The following CDK17 variants were observed in gnomAD, a reference collection of about 807,000 sequenced individuals.
CDK17 encodes the protein cyclin-dependent kinase 17.
CDK17 carries 24 observed loss-of-function variants against 77.6 expected under a neutral mutation model. That is an observed-to-expected ratio of 0.31 (90% CI 0.22 to 0.44). CDK17 has a LOEUF of 0.44. Among genes scored for constraint, CDK17 ranks in the 20% least tolerant of loss-of-function variants. The pLI is 1.00. For synonymous variants in CDK17, 203 were observed against 210.4 expected (o/e 0.96, Z 0.30); for missense variants, 429 against 622.5 (o/e 0.69, Z 3.31).
chr12:96,323,822 C>G, intron 3 of CDK17, 126 bp downstream of exon 3: 2 of 619,018 alleles, frequency 3.2e-6, no homozygotes, highest in Non-Finnish European at 5.2e-6. Flanking sequence ...TGCTATTCCT[C>G]TTGATCTCAA....
At chr12:96,329,002 G>A (rs1261670605) in intron 2 of CDK17, among the ~76,000 whole-genome samples, 1 of 152,120 alleles carries the variant, frequency 6.6e-6, no homozygotes, top group African/African-American at 2.4e-5. Flanking sequence ...AAAAAGTAAT[G>A]GAAACCTTGG....
At chr12:96,368,051 A>G (rs1331842463) in intron 1 of CDK17, among the ~76,000 whole-genome samples, 1 of 152,176 alleles carries the variant, frequency 6.6e-6, no homozygotes, top group Admixed American at 6.5e-5. Flanking sequence ...GAACAGTCCA[A>G]GTCTATTTCA....
intron 1 of CDK17, among the ~76,000 whole-genome samples, chr12:96,364,037 A>ACTTCT (rs1232513267): frequency 6.6e-6 from 1 of 152,124 alleles, no homozygotes; most frequent in Non-Finnish European, 1.5e-5. Context: ...TATACACGTA[A>ACTTCT]CTTCTTTACT....
chr12:96,368,180 TC>T (rs776858747), intron 1 of CDK17, among the ~76,000 whole-genome samples: 1 of 152,222 alleles, frequency 6.6e-6, no homozygotes, highest in Non-Finnish European at 1.5e-5. Flanking sequence ...AGACTAATGT[TC>T]CTTGTATTCC....
chr12:96,315,545 T>C (rs1283848145), intron 3 of CDK17, among the ~76,000 whole-genome samples: 1 of 152,222 alleles, frequency 6.6e-6, no homozygotes, highest in Non-Finnish European at 1.5e-5. Context: ...AGGTCCTGTA[T>C]TCATTTCTGT....
chr12:96,293,930 T>C (rs926589663), intron 10 of CDK17, among the ~76,000 whole-genome samples: 3 of 152,234 alleles, frequency 2.0e-5, no homozygotes, highest in African/African-American at 7.2e-5. Context: ...TGGCAAGAAA[T>C]ACTGACAGTT....
intron 1 of CDK17, chr12:96,399,143 G>A (rs1037972482): frequency 2.0e-5 from 3 of 152,376 alleles, no homozygotes; most frequent in Admixed American, 6.6e-5. Flanking sequence ...AAAACCACAG[G>A]AGAGTCAATG....
chr12:96,329,168 G>A (rs1298191033), intron 2 of CDK17, among the ~76,000 whole-genome samples: 1 of 152,048 alleles, frequency 6.6e-6, no homozygotes, highest in Non-Finnish European at 1.5e-5. Context: ...TTGTTTAATG[G>A]GTACAGAGTT....
At chr12:96,372,603 AAAAC>A (rs1290036525) in intron 1 of CDK17, among the ~76,000 whole-genome samples, 2 of 152,150 alleles carry the variant, frequency 1.3e-5, no homozygotes, top group African/African-American at 2.4e-5. Context: ...GATTTTCACC[AAAAC>A]AGTAAGAAAA....
intron 1 of CDK17, among the ~76,000 whole-genome samples, chr12:96,366,052 G>A (rs1321036049): frequency 6.6e-6 from 1 of 152,092 alleles, no homozygotes; most frequent in Non-Finnish European, 1.5e-5. Flanking sequence ...CAATTAGTAA[G>A]GAAAATTTTT....
At position 96,280,237 on chromosome 12, in the gene CDK17, C is replaced by G. The variant is rs1317001201; in HGVS notation, c.*5G>C. The G allele has an allele frequency of 6.5e-7, 1 of 1,550,172 alleles. No homozygotes were observed. Among genetic ancestry groups the G allele is most frequent in the Admixed American group, 2.0e-5 (1 of 50,790 alleles). ...GGGGCTGGGCTTGAAACCATGTTATCAGACTTAAAAGAGCATGCTCTGTCT... is the reference window on the plus strand; with the variant it reads ...GGGGCTGGGCTTGAAACCATGTTATGAGACTTAAAAGAGCATGCTCTGTCT... On this transcript the variant is annotated 3_prime_UTR_variant, in exon 17 of 17. Coordinates refer to ENST00000261211, the MANE Select transcript of CDK17 (RefSeq NM_002595.5).
At chr12:96,305,067 G>A (rs904450258) in intron 5 of CDK17, among the ~76,000 whole-genome samples, 10 of 152,130 alleles carry the variant, frequency 6.6e-5, no homozygotes, top group Non-Finnish European at 1.5e-4. Flanking sequence ...AACTTCCACT[G>A]GGTATACCAT....
intron 1 of CDK17, among the ~76,000 whole-genome samples, chr12:96,360,020 A>G (rs977877415): frequency 5.3e-5 from 8 of 152,332 alleles, no homozygotes; most frequent in Admixed American, 2.6e-4. Context: ...AAGGTAACCT[A>G]CACTAAAAGG....
chr12:96,399,940 C>A (rs1195251068), intron 1 of CDK17, 46 bp downstream of exon 1: 1 of 365,632 alleles, frequency 2.7e-6, no homozygotes, highest in Non-Finnish European at 4.9e-6. Context: ...CGCGGCCGAC[C>A]CGACACCAGG....
At chr12:96,356,426 G>A (rs543161126) in intron 1 of CDK17, among the ~76,000 whole-genome samples, 37 of 152,228 alleles carry the variant, frequency 2.4e-4, no homozygotes, top group Non-Finnish European at 5.3e-4. Context: ...CCCCCAAGTC[G>A]CTGGGACTTA....
rs1491120801 is a variant in CDK17, at chr12:96,368,806, C to CTGGGG, written c.-30+31179_-30+31180insCCCCA. ...AATTTAGAAAGAAGCTACTCTAAGA[C>CTGGGG]GGGGGGGGGGGGGGGGGGCACAATG... is the stretch of plus-strand genomic sequence containing the variant. On this transcript the variant is annotated intron_variant, in intron 1 of 16. Transcript: ENST00000261211. Among the ~76,000 whole-genome samples, 11 of 67,564 alleles carry CTGGGG rather than the reference C, an allele frequency of 1.6e-4. 4 individuals are homozygous for CTGGGG. Among genetic ancestry groups the CTGGGG allele is most frequent in the South Asian group, 1.3e-3 (2 of 1,562 alleles). The allele number at this position is 67,564 out of a possible 152,430, so 44.3% of individuals were successfully genotyped here. A position where few individuals can be genotyped will look rare whatever the true frequency, so the allele number is the denominator to read the frequency against.
rs1272783627 is a variant in CDK17, at chr12:96,286,778, G to A, written c.1119-17C>T. 13 of 1,565,766 alleles carry A rather than the reference G, an allele frequency of 8.3e-6. No individual in the cohort carries two copies. The highest frequency in any genetic ancestry group is 1.1e-5 in the Non-Finnish European group (12 of 1,140,198). On this transcript the variant is annotated splice_polypyrimidine_tract_variant and intron_variant, in intron 11 of 16. Transcript: ENST00000261211. ...CCAACACCCCTTTAAAATAGATCATGAAAATAATTTAGCAATTCATTTACA... is the reference window on the plus strand; with the variant it reads ...CCAACACCCCTTTAAAATAGATCATAAAAATAATTTAGCAATTCATTTACA...
chr12:96,340,195 C>A (rs1953103762), intron 1 of CDK17, among the ~76,000 whole-genome samples: 1 of 151,908 alleles, frequency 6.6e-6, no homozygotes. Flanking sequence ...TCATATAGTG[C>A]ATTTGAACAA....
At chr12:96,366,711 T>C (rs73366571) in intron 1 of CDK17, among the ~76,000 whole-genome samples, 240 of 152,270 alleles carry the variant, frequency 1.6e-3, no homozygotes, top group African/African-American at 5.7e-3. Flanking sequence ...GTAGTAAATA[T>C]TAATATGTTA....
Sources: gnomAD v4.1 joint callset for allele counts (sites outside exome capture counted in the v4.1 genomes callset) on GRCh38, gnomAD v4.1.1 for gene constraint, MANE v1.5 for transcripts, NCBI Gene and HGNC (gene_info 2026-07-23, HGNC 2026-07-21) for gene names.